CRACD: variants seen among roughly 807,000 people sequenced by gnomAD.
The protein encoded by CRACD is capping protein inhibiting regulator of actin dynamics, also known as capping protein-inhibiting regulator of actin dynamics.
In CRACD, 56 loss-of-function variants were observed where a neutral mutation model predicts 106.8. That is an observed-to-expected ratio of 0.52 (90% CI 0.42 to 0.66). The LOEUF (loss-of-function observed/expected upper bound fraction) is 0.66. Among genes scored for constraint, CRACD ranks in the 30% least tolerant of loss-of-function variants. The pLI, the probability that CRACD is intolerant of heterozygous loss-of-function variation, is 0.00. For missense variants in CRACD, 1,730 were observed against 1,623.2 expected (o/e 1.07, Z -1.13); for synonymous variants, 754 against 670.8 (o/e 1.12, Z -1.92).
At chr4:56,273,967 A>G (rs1577840526) in intron 3 of CRACD, among the ~76,000 whole-genome samples, 1 of 152,340 alleles carries the variant, frequency 6.6e-6, no homozygotes, top group East Asian at 1.9e-4. Context: ...CTAAATTACA[A>G]AACCCTCAGA....
chr4:56,264,745 A>C (rs1577827189), intron 2 of CRACD, among the ~76,000 whole-genome samples: 2 of 152,342 alleles, frequency 1.3e-5, no homozygotes, highest in South Asian at 4.1e-4. Context: ...TGTCCATGAA[A>C]TCTTCACAAT....
chr4:56,061,452 A>C (rs1480505560), intron 1 of CRACD, among the ~76,000 whole-genome samples: 5 of 151,858 alleles, frequency 3.3e-5, no homozygotes, highest in Non-Finnish European at 4.4e-5. Context: ...GATTATAGAC[A>C]TGAGCGCCAC....
At chr4:56,125,637 G>A (rs963581230) in intron 1 of CRACD, among the ~76,000 whole-genome samples, 4 of 151,944 alleles carry the variant, frequency 2.6e-5, no homozygotes, top group African/African-American at 9.7e-5. Context: ...GGTTTGTCTT[G>A]CATTCTTAGC....
At chr4:56,084,502 G>A (rs1328744489) in intron 1 of CRACD, among the ~76,000 whole-genome samples, 1 of 151,970 alleles carries the variant, frequency 6.6e-6, no homozygotes, top group Non-Finnish European at 1.5e-5. Flanking sequence ...TATGAAATTT[G>A]TATTTATCTT....
intron 2 of CRACD, among the ~76,000 whole-genome samples, chr4:56,241,642 G>C (rs148245036): frequency 6.6e-6 from 1 of 152,172 alleles, no homozygotes; most frequent in East Asian, 1.9e-4. Flanking sequence ...ATGGTTTAGT[G>C]GGGGAGACTG....
rs1461535200 is a variant in CRACD, at chr4:56,049,240, C to G, written c.-395C>G. 4 of 150,846 alleles carry G rather than the reference C, an allele frequency of 2.7e-5. No individual in the cohort carries two copies. Among genetic ancestry groups the G allele is most frequent in the African/African-American group, 4.8e-5 (2 of 41,282 alleles). 9.3% of individuals were successfully genotyped at this position (150,846 alleles called of 1,614,324 possible). ...AGTGCCGCCGAGTCCGCCGCCCGCC[C>G]GGGACCGCCGGTCGCCGGCCAGCCG... On this transcript the variant is annotated 5_prime_UTR_variant, in exon 1 of 11. Coordinates refer to ENST00000682029, the MANE Select transcript of CRACD (RefSeq NM_001393381.1).
chr4:56,095,129 A>T (rs1733556366), intron 1 of CRACD, among the ~76,000 whole-genome samples: 1 of 152,138 alleles, frequency 6.6e-6, no homozygotes, highest in Non-Finnish European at 1.5e-5. Context: ...GGGTAAGAGG[A>T]TCACCTGAGT....
chr4:56,310,955 A>C, intron 6 of CRACD: 1 of 529,770 alleles, frequency 1.9e-6, no homozygotes, highest in Non-Finnish European at 3.4e-6. Context: ...AAAACTAGCC[A>C]TACTCCCAGC....
chr4:56,327,337 G>A (rs780291088), intron 10 of CRACD, among the ~76,000 whole-genome samples: 1 of 152,042 alleles, frequency 6.6e-6, no homozygotes, highest in Non-Finnish European at 1.5e-5. Flanking sequence ...TGGCTGGGGT[G>A]GGGGGTGTTG....
chr4:56,178,004 G>T (rs1037674817), intron 1 of CRACD, among the ~76,000 whole-genome samples: 66 of 152,026 alleles, frequency 4.3e-4, no homozygotes, highest in African/African-American at 1.5e-3. Context: ...AATGTTATTT[G>T]TTTATGCTCT....
At chr4:56,156,906 T>C (rs980406843) in intron 1 of CRACD, among the ~76,000 whole-genome samples, 1 of 152,226 alleles carries the variant, frequency 6.6e-6, no homozygotes, top group Non-Finnish European at 1.5e-5. Flanking sequence ...ACCACTAGAA[T>C]GTATGTTCTG....
Position 56,310,685 on chromosome 4 carries a change from C to T in CRACD, c.305C>T (p.Ser102Phe), listed in dbSNP as rs1560531147. The change falls in exon 6 of 11, where the codon TCT (serine) becomes TTT (phenylalanine). Residue 102 changes from serine (S) to phenylalanine (F), a missense_variant. By Grantham distance (155) the Ser-to-Phe change is radical (BLOSUM62 -2). Around this residue, in one of 5 missense-constraint regions of CRACD, gnomAD observed 1,620 missense variants for 1,481.6 expected, o/e 1.09. Transcript: ENST00000682029. Reference protein sequence around the residue: ...AENKSSDTPSSLSPLNLPGAG... With the variant: ...AENKSSDTPSFLSPLNLPGAG... ...TTCCAGTCCAGTGATACGCCAAGTT[C>T]TCTAAGTCCTCTGAATCTCCCTGGA... The T allele has an allele frequency of 6.2e-7, 1 of 1,611,460 alleles. No homozygotes were observed. The highest frequency in any genetic ancestry group is 1.7e-5 in the Admixed American group (1 of 60,010).
intron 2 of CRACD, among the ~76,000 whole-genome samples, chr4:56,211,539 T>C (rs1306591615): frequency 6.6e-6 from 1 of 152,104 alleles, no homozygotes; most frequent in Non-Finnish European, 1.5e-5. Context: ...ACGCTGACAA[T>C]TGAAGAGTTA....
At chr4:56,265,579 C>T (rs1162684981) in intron 2 of CRACD, among the ~76,000 whole-genome samples, 1 of 152,210 alleles carries the variant, frequency 6.6e-6, no homozygotes, top group African/African-American at 2.4e-5. Context: ...AACAAGGCAT[C>T]TGAGGCTGAA....
At chr4:56,313,009 C>G (rs889672807) in intron 6 of CRACD, among the ~76,000 whole-genome samples, 188 bp from the exon 7 acceptor site, 1 of 152,110 alleles carries the variant, frequency 6.6e-6, no homozygotes, top group Non-Finnish European at 1.5e-5. Flanking sequence ...GCTGGCAGAA[C>G]AAATAGTCAA....
chr4:56,133,991 C>T lies in CRACD; in HGVS notation c.-335-45293C>T, dbSNP rs145023905. Among the ~76,000 whole-genome samples the T allele has an allele frequency of 3.6e-3, 549 of 152,028 alleles. 1 individual carries two copies. Among genetic ancestry groups the T allele is most frequent in the African/African-American group, 0.011 (436 of 41,460 alleles). ...CTGAGGTGGGTGATTGCATGAGCCC[C>T]GGAGTTCGAGACCAGCTTGGGCAAC... On this transcript the variant is annotated intron_variant, in intron 1 of 10. Transcript: ENST00000682029.
chr4:56,306,859 A>G (rs1353607166), intron 4 of CRACD, among the ~76,000 whole-genome samples: 6 of 152,134 alleles, frequency 3.9e-5, no homozygotes, highest in Non-Finnish European at 5.9e-5. Flanking sequence ...TTAGGTGGCC[A>G]CAGCAAGGCA....
chr4:56,250,639 TAGAC>T (rs1444532862), intron 2 of CRACD, among the ~76,000 whole-genome samples: 3 of 152,202 alleles, frequency 2.0e-5, no homozygotes, highest in Non-Finnish European at 2.9e-5. Context: ...TACTTGGAAT[TAGAC>T]AGACTTGGTT....
chr4:56,307,457 G>A (rs896366604), intron 4 of CRACD, 78 bp from the exon 5 acceptor site: 5 of 1,463,766 alleles, frequency 3.4e-6, no homozygotes, highest in Non-Finnish European at 4.7e-6. Flanking sequence ...GTGCTCACTA[G>A]ACATGCTGGA....
Sources: gnomAD v4.1 joint callset for allele counts (sites outside exome capture counted in the v4.1 genomes callset) on GRCh38, gnomAD v4.1.1 for gene constraint, gnomAD v4.1.1 regional missense constraint, MANE v1.5 for transcripts, NCBI Gene and HGNC (gene_info 2026-07-23, HGNC 2026-07-21) for gene names.